RAX2: variants seen among roughly 807,000 people sequenced by gnomAD.
RAX2 encodes the protein retina and anterior neural fold homeobox protein 2.
Under a neutral mutation model 5.8 loss-of-function variants are expected in RAX2, and 4 were observed. That is an observed-to-expected ratio of 0.69 (90% CI 0.34 to 1.58). The LOEUF (loss-of-function observed/expected upper bound fraction) is 1.58, where lower values mean the gene tolerates loss of function less well. Ranked by LOEUF, RAX2 falls within the 40% of genes most tolerant of loss-of-function variation. The pLI is 0.05. For missense variants in RAX2, 275 were observed against 271.4 expected (o/e 1.01, Z -0.09); for synonymous variants, 133 against 128.8 (o/e 1.03, Z -0.22).
chr19:3,771,792 G>GT lies in RAX2; in HGVS notation c.-51_-50insA, dbSNP rs2037266641. 2.6e-6 allele frequency: 4 copies of GT among 1,529,018 alleles called. No individual in the cohort carries two copies. The East Asian group carries it at 9.6e-5, about 37-fold the overall frequency. 94.7% of individuals were successfully genotyped at this position (1,529,018 alleles called of 1,614,324 possible). A position where few individuals can be genotyped will look rare whatever the true frequency, so the allele number is the denominator to read the frequency against. On this transcript the variant is annotated 5_prime_UTR_variant, in exon 2 of 3. Coordinates refer to ENST00000555633, the MANE Select transcript of RAX2 (RefSeq NM_001319074.4). The surrounding 1 kb of genome is among the most constrained non-coding windows in gnomAD (Gnocchi z 4.2). Reference sequence around the variant, plus strand: ...CGGGACAGATGGTGGGGAGACGGCTGGGGGGGCTACCGGCAGGGACAGGGC... The same window carrying GT: ...CGGGACAGATGGTGGGGAGACGGCTGTGGGGGGCTACCGGCAGGGACAGGGC...
intron 1 of RAX2, 38 bp from the exon 2 acceptor site, chr19:3,772,048 G>T: frequency 2.1e-6 from 1 of 479,508 alleles, no homozygotes; most frequent in Non-Finnish European, 3.9e-6. Context: ...GGTCAAGGAT[G>T]CCCCCCCGTC....
rs772168769 is a variant in RAX2 at position 3,771,816 on chromosome 19, G to A, written c.-74C>T. On this transcript the variant is annotated 5_prime_UTR_variant, in exon 2 of 3. Transcript: ENST00000555633. The surrounding 1 kb of genome is among the most constrained non-coding windows in gnomAD (Gnocchi z 4.2). The stretch of plus-strand genomic sequence containing the variant: ...TGGGGGGGCTACCGGCAGGGACAGG[G>A]CAGGGGAGCCCCAGGCTTGCCTCCC... 2.0e-6 allele frequency: 3 copies of A among 1,493,834 alleles called. No individual in the cohort carries two copies. The highest frequency in any genetic ancestry group is 2.5e-5 in the East Asian group (1 of 40,568). 92.5% of individuals were successfully genotyped at this position (1,493,834 alleles called of 1,614,324 possible).
rs979036692 is a variant in RAX2 at position 3,771,017 on chromosome 19, C to T, written c.217-58G>A. 18 of 1,339,418 alleles carry T rather than the reference C, an allele frequency of 1.3e-5. 1 individual carries two copies. The highest frequency in any genetic ancestry group is 4.3e-5 in the African/African-American group (3 of 69,074). 83.0% of individuals were successfully genotyped at this position (1,339,418 alleles called of 1,614,324 possible). On this transcript the variant is annotated intron_variant, in intron 2 of 2. Coordinates refer to ENST00000555633, the MANE Select transcript of RAX2 (RefSeq NM_001319074.4). This position sits in a 1 kb window ranked among gnomAD's most constrained non-coding sequence, Gnocchi z 4.2. ...TGAGCTCAGCCGCTCCCCGCCAATC[C>T]TCGGACCCCCTCTGCACACCCCAGC...
At chr19:3,770,995 G>C (rs1349513777) in intron 2 of RAX2, 36 bp from the exon 3 acceptor site, 1 of 1,469,478 alleles carries the variant, frequency 6.8e-7, no homozygotes, top group East Asian at 2.5e-5. Flanking sequence ...GTTGCTGTGA[G>C]CTCAGCCGCT....
chr19:3,769,255 G>C lies in RAX2; in HGVS notation c.*1366C>G, dbSNP rs6510769. 38,104 of 152,002 alleles carry C rather than the reference G, an allele frequency of 0.25. 5,451 individuals are homozygous for C. The highest frequency in any genetic ancestry group is 0.38 in the African/African-American group (15,845 of 41,370). 9.4% of individuals were successfully genotyped at this position (152,002 alleles called of 1,614,324 possible). Reference sequence around the variant, plus strand: ...TAGCTGGGATGACAGGTGTGCACCAGTACACCCGGCACATTTTAAAAACGT... The same window carrying C: ...TAGCTGGGATGACAGGTGTGCACCACTACACCCGGCACATTTTAAAAACGT... On this transcript the variant is annotated 3_prime_UTR_variant, in exon 3 of 3. Transcript: ENST00000555633.
At position 3,770,730 on chromosome 19, in the gene RAX2, T is replaced by A; in HGVS notation, c.446A>T (p.His149Leu). The change falls in exon 3 of 3, where the codon CAT becomes CTT. Residue 149 changes from histidine to leucine, a missense_variant. His to Leu is a moderately conservative substitution (Grantham distance 99). Coordinates refer to ENST00000555633, the MANE Select transcript of RAX2 (RefSeq NM_001319074.4). ...GPGLQASFGPHAFAPTFADGF... is the reference protein window; with the variant it reads ...GPGLQASFGPLAFAPTFADGF... ...ATCTGCGAAGGTGGGAGCAAAGGCA[T>A]GAGGCCCGAAGGACGCTTGCAGCCC... 1 of 1,534,940 alleles carries A rather than the reference T, an allele frequency of 6.5e-7. No individual in the cohort carries two copies. The highest frequency in any genetic ancestry group is 1.2e-5 in the South Asian group (1 of 84,002).
Position 3,770,345 on chromosome 19 carries a change from G to T in RAX2, c.*276C>A, listed in dbSNP as rs936340074. On this transcript the variant is annotated 3_prime_UTR_variant, in exon 3 of 3. Coordinates refer to ENST00000555633, the MANE Select transcript of RAX2 (RefSeq NM_001319074.4). Reference sequence around the variant, plus strand: ...GACTGAGGCCCCAGGAGGGGAGGAGGTCCCCGCACCTGGCCTGAGAATACT... The same window carrying T: ...GACTGAGGCCCCAGGAGGGGAGGAGTTCCCCGCACCTGGCCTGAGAATACT... 6 of 494,294 alleles carry T rather than the reference G, an allele frequency of 1.2e-5. No individual in the cohort carries two copies. The Admixed American group carries it at 1.5e-4, about 13-fold the overall frequency. 30.6% of individuals were successfully genotyped at this position (494,294 alleles called of 1,614,324 possible).
rs1431868522 is a variant in RAX2, at chr19:3,771,456, G to T, written c.216+71C>A. 1 of 1,261,350 alleles carries T rather than the reference G, an allele frequency of 7.9e-7. No individual in the cohort carries two copies. The highest frequency in any genetic ancestry group is 1.1e-6 in the Non-Finnish European group (1 of 886,982). The allele number at this position is 1,261,350 out of a possible 1,614,324, so 78.1% of individuals were successfully genotyped here. ...TAGCTTCTCTTCTGCTGTTGCTCCG[G>T]GAGGGTCAGGATCTTGCTTTGCCTC... On this transcript the variant is annotated intron_variant, in intron 2 of 2. Transcript: ENST00000555633. This position sits in a 1 kb window ranked among gnomAD's most constrained non-coding sequence, Gnocchi z 4.2.
At position 3,770,605 on chromosome 19, in the gene RAX2, C is replaced by T. The variant is rs1458393430; in HGVS notation, c.*16G>A. 9.1e-6 allele frequency: 14 copies of T among 1,530,188 alleles called. No homozygotes were observed. Among genetic ancestry groups the T allele is most frequent in the South Asian group, 3.6e-5 (3 of 83,830 alleles). The allele number at this position is 1,530,188 out of a possible 1,614,324, so 94.8% of individuals were successfully genotyped here. A position where few individuals can be genotyped will look rare whatever the true frequency, so the allele number is the denominator to read the frequency against. ...CTCGGGTTGGGCCGAGGAGGGGGCC[C>T]GGGAGGGCGGCAGGCTCAGGCTGGC... On this transcript the variant is annotated 3_prime_UTR_variant, in exon 3 of 3. Coordinates refer to ENST00000555633, the MANE Select transcript of RAX2 (RefSeq NM_001319074.4).
In RAX2 at chr19:3,771,289, C is replaced by T. The variant is rs186475508; in HGVS notation, c.216+238G>A. On this transcript the variant is annotated intron_variant, in intron 2 of 2. Transcript: ENST00000555633. This position sits in a 1 kb window ranked among gnomAD's most constrained non-coding sequence, Gnocchi z 4.2. The stretch of plus-strand genomic sequence containing the variant: ...TCCTTCACCCCTGGCTCAAGGGAAA[C>T]GCCTCCAACTTAACCCCTCCATGTC... 6.6e-4 allele frequency among the ~76,000 whole-genome samples: 101 copies of T among 152,264 alleles called. No homozygotes were observed. The highest frequency in any genetic ancestry group is 2.4e-3 in the African/African-American group (99 of 41,546).
rs1599185352 is a variant in RAX2, at chr19:3,770,413, G to C, written c.*208C>G. ...GACACTGGGGGCCAGTCCGCTGCCA[G>C]CAGGACGGGTGGCGATGGGGTGGGA... On this transcript the variant is annotated 3_prime_UTR_variant, in exon 3 of 3. Coordinates refer to ENST00000555633, the MANE Select transcript of RAX2 (RefSeq NM_001319074.4). The C allele has an allele frequency of 1.8e-6, 1 of 560,714 alleles. No homozygotes were observed. The highest frequency in any genetic ancestry group is 3.2e-5 in the East Asian group (1 of 31,114). 34.7% of individuals were successfully genotyped at this position (560,714 alleles called of 1,614,324 possible).
Position 3,771,480 on chromosome 19 carries a change from T to A in RAX2, c.216+47A>T. 1.4e-6 allele frequency: 2 copies of A among 1,469,738 alleles called. No homozygotes were observed. Among genetic ancestry groups the A allele is most frequent in the Non-Finnish European group, 1.9e-6 (2 of 1,072,606 alleles). The allele number at this position is 1,469,738 out of a possible 1,614,324, so 91.0% of individuals were successfully genotyped here. A position where few individuals can be genotyped will look rare whatever the true frequency, so the allele number is the denominator to read the frequency against. On this transcript the variant is annotated intron_variant, in intron 2 of 2. Transcript: ENST00000555633. The surrounding 1 kb of genome is among the most constrained non-coding windows in gnomAD (Gnocchi z 4.2). ...GGGAGGGTCAGGATCTTGCTTTGCC[T>A]CCCTCCCCAGGTTGCAAAAGATGTG...
At chr19:3,772,108 A>T in intron 1 of RAX2, 55 bp downstream of exon 1, 1 of 448,940 alleles carries the variant, frequency 2.2e-6, no homozygotes, top group East Asian at 6.2e-5. Flanking sequence ...CCCTGAGGGG[A>T]TCTCTGCCCC....
rs888248705 is a variant in RAX2, at chr19:3,770,804, G to A, written c.372C>T (p.Pro124=). 25 of 1,519,568 alleles carry A rather than the reference G, an allele frequency of 1.6e-5. No homozygotes were observed. Among genetic ancestry groups the A allele is most frequent in the Middle Eastern group, 2.1e-4 (1 of 4,858 alleles). 94.1% of individuals were successfully genotyped at this position (1,519,568 alleles called of 1,614,324 possible). ...GGAGGCCTGGCACGGCCGGCGGTCC[G>A]GGGCCCAACCAGGGCTCCAGGGGCA... ...MSLPLEPWLG[P]GPPAVPGLPR... Residue 124 remains proline, a synonymous_variant, in exon 3 of 3, where the codon CCC becomes CCT. Coordinates refer to ENST00000555633, the MANE Select transcript of RAX2 (RefSeq NM_001319074.4).
Position 3,770,442 on chromosome 19 carries a change from G to A in RAX2, c.*179C>T, listed in dbSNP as rs1310390260. 2.2e-5 allele frequency: 13 copies of A among 584,840 alleles called. No homozygotes were observed. The highest frequency in any genetic ancestry group is 4.0e-5 in the African/African-American group (2 of 50,420). 36.2% of individuals were successfully genotyped at this position (584,840 alleles called of 1,614,324 possible). ...GACGGGTGGCGATGGGGTGGGAGAC[G>A]GGATGGGGGCAGGGAACCCAGCAGC... On this transcript the variant is annotated 3_prime_UTR_variant, in exon 3 of 3. Coordinates refer to ENST00000555633, the MANE Select transcript of RAX2 (RefSeq NM_001319074.4).
Position 3,770,860 on chromosome 19 carries a change from G to C in RAX2, c.316C>G (p.Leu106Val), listed in dbSNP as rs1020556796. 6.5e-7 allele frequency: 1 copy of C among 1,533,140 alleles called. No individual in the cohort carries two copies. Among genetic ancestry groups the C allele is most frequent in the Non-Finnish European group, 8.7e-7 (1 of 1,145,746 alleles). The allele number at this position is 1,533,140 out of a possible 1,614,324, so 95.0% of individuals were successfully genotyped here. A position where few individuals can be genotyped will look rare whatever the true frequency, so the allele number is the denominator to read the frequency against. ...AAPRLPEAPA[L>V]PFARPPAMSL... ...ATGGCCGGGGGGCGGGCGAACGGCA[G>C]CGCTGGGGCCTCGGGGAGTCTCGGA... The change falls in exon 3 of 3, where the codon CTG becomes GTG. Residue 106 changes from leucine (L) to valine (V), a missense_variant. Physicochemically the swap from Leu to Val is conservative, Grantham distance 32. Transcript: ENST00000555633.
In RAX2 at chr19:3,770,969, G is replaced by T. The variant is rs772762463; in HGVS notation, c.217-10C>A. The T allele has an allele frequency of 6.5e-7, 1 of 1,548,996 alleles. No individual in the cohort carries two copies. The highest frequency in any genetic ancestry group is 1.2e-5 in the South Asian group (1 of 85,916). On this transcript the variant is annotated splice_polypyrimidine_tract_variant and intron_variant, in intron 2 of 2. Transcript: ENST00000555633. ...GGTTCTGGAACCACACCTGGAGGGT[G>T]CGAGAGGGAAGGGGGGTTGCTGTGA...
At position 3,771,986 on chromosome 19, in the gene RAX2, T is replaced by G; in HGVS notation, c.-244A>C. 2.0e-5 allele frequency: 12 copies of G among 601,976 alleles called. No homozygotes were observed. The highest frequency in any genetic ancestry group is 3.1e-5 in the Admixed American group (1 of 32,020). The allele number at this position is 601,976 out of a possible 1,614,324, so 37.3% of individuals were successfully genotyped here. ...TGTGTGTCACCGTCCCTGTTTTCTCTTCCCCTCTCTGTGACTGTCACGGCC... is the reference window on the plus strand; with the variant it reads ...TGTGTGTCACCGTCCCTGTTTTCTCGTCCCCTCTCTGTGACTGTCACGGCC... On this transcript the variant is annotated 5_prime_UTR_variant, in exon 2 of 3. Transcript: ENST00000555633. The surrounding 1 kb of genome is among the most constrained non-coding windows in gnomAD (Gnocchi z 4.2).
rs1335212510 is a variant in RAX2, at chr19:3,770,762, C to T, written c.414G>A (p.Pro138=). 13 of 1,529,108 alleles carry T rather than the reference C, an allele frequency of 8.5e-6. 1 individual carries two copies. Among genetic ancestry groups the T allele is most frequent in the South Asian group, 7.2e-5 (6 of 83,734 alleles). The allele number at this position is 1,529,108 out of a possible 1,614,324, so 94.7% of individuals were successfully genotyped here. ...AVPGLPRLLG[P]GPGLQASFGP... The stretch of plus-strand genomic sequence containing the variant: ...CGAAGGACGCTTGCAGCCCCGGGCC[C>T]GGGCCCAGGAGGCGGGGGAGGCCTG... The change falls in exon 3 of 3, where the codon CCG becomes CCA. Residue 138 remains proline (P), a synonymous_variant. Coordinates refer to ENST00000555633, the MANE Select transcript of RAX2 (RefSeq NM_001319074.4).
Sources: allele counts gnomAD v4.1 joint callset (sites outside exome capture counted in the v4.1 genomes callset), GRCh38; gene constraint gnomAD v4.1.1; non-coding constraint Gnocchi (gnomAD v3.1); transcripts MANE v1.5; gene names NCBI Gene and HGNC (gene_info 2026-07-23, HGNC 2026-07-21).